EBF1: variants seen among roughly 807,000 people sequenced by gnomAD.
EBF1 encodes the protein EBF transcription factor 1.
EBF1 carries 10 observed loss-of-function variants against 68.4 expected under a neutral mutation model. The ratio of observed to expected loss-of-function variants is 0.15; its 90% confidence interval spans 0.09 to 0.25. The LOEUF (loss-of-function observed/expected upper bound fraction) is 0.25. Among genes scored for constraint, EBF1 ranks in the 10% least tolerant of loss-of-function variants. The probability of loss-of-function intolerance (pLI) is 1.00; values close to 1 mark genes in which losing one functional copy is unlikely to be tolerated. For synonymous variants in EBF1, 298 were observed against 299.8 expected (o/e 0.99, Z 0.06); for missense variants, 509 against 794.4 (o/e 0.64, Z 4.32).
At chr5:158,733,347 A>G (rs893604153) in intron 10 of EBF1, among the ~76,000 whole-genome samples, 8 of 152,152 alleles carry the variant, frequency 5.3e-5, no homozygotes, top group African/African-American at 1.9e-4. Flanking sequence ...GTAAAATTTG[A>G]ATTGTTGCCC....
At chr5:158,724,486 G>A (rs544599543) in intron 11 of EBF1, among the ~76,000 whole-genome samples, 19 of 152,308 alleles carry the variant, frequency 1.2e-4, no homozygotes, top group African/African-American at 4.6e-4. Context: ...TTTCACTGAT[G>A]CAACTGCAGG....
At chr5:158,856,924 C>T (rs943705870) in intron 6 of EBF1, among the ~76,000 whole-genome samples, 12 of 152,174 alleles carry the variant, frequency 7.9e-5, no homozygotes, top group Admixed American at 2.6e-4. Context: ...TCCCTCAGTC[C>T]TTAGATACTG....
intron 6 of EBF1, among the ~76,000 whole-genome samples, chr5:158,919,919 G>A (rs1175268908): frequency 6.6e-6 from 1 of 152,066 alleles, no homozygotes; most frequent in Admixed American, 6.5e-5. Flanking sequence ...GTGTTTTTCT[G>A]CTATATGCAT....
At position 158,696,809 on chromosome 5, in the gene EBF1, A is replaced by ATTG. The variant is rs1755839380; in HGVS notation, c.*2299_*2301dup. 5.3e-6 allele frequency: 1 copy of ATTG among 189,678 alleles called. No homozygotes were observed. Among genetic ancestry groups the ATTG allele is most frequent in the East Asian group, 8.3e-5 (1 of 12,090 alleles). 11.7% of individuals were successfully genotyped at this position (189,678 alleles called of 1,614,324 possible). ...ATATGGGGGCATGCACAGTTGCAGC[A>ATTG]TTGTTGTAAATGATTTCTTGCTCTA... On this transcript the variant is annotated 3_prime_UTR_variant, in exon 16 of 16. Transcript: ENST00000313708.
intron 6 of EBF1, among the ~76,000 whole-genome samples, chr5:158,875,056 T>TACATACAC (rs1797578059): frequency 6.8e-6 from 1 of 147,302 alleles, no homozygotes; most frequent in Non-Finnish European, 1.5e-5. Context: ...CACACACACA[T>TACATACAC]ACACACACAC....
rs768598275 is a variant in EBF1, at chr5:158,713,123, C to T, written c.1216G>A (p.Asp406Asn). 17 of 1,519,898 alleles carry T rather than the reference C, an allele frequency of 1.1e-5. No homozygotes were observed. Among genetic ancestry groups the T allele is most frequent in the East Asian group, 4.9e-5 (2 of 41,186 alleles). The allele number at this position is 1,519,898 out of a possible 1,614,324, so 94.2% of individuals were successfully genotyped here. ...ACACTGTACAGGGCCTCGGCAATGTCGGCCGCTCTCTTCAGAATGATTTCC... is the reference window on the plus strand; with the variant it reads ...ACACTGTACAGGGCCTCGGCAATGTTGGCCGCTCTCTTCAGAATGATTTCC... ...NQEIILKRAA[D>N]IAEALYSVPR... The change falls in exon 13 of 16, where the codon GAC becomes AAC. Residue 406 changes from aspartate to asparagine, a missense_variant. Physicochemically the swap from Asp to Asn is conservative, Grantham distance 23. Around this residue, in one of 3 missense-constraint regions of EBF1, gnomAD observed 230 missense variants for 467.7 expected, o/e 0.49. Coordinates refer to ENST00000313708, the MANE Select transcript of EBF1 (RefSeq NM_024007.5).
intron 10 of EBF1, among the ~76,000 whole-genome samples, chr5:158,741,558 G>C (rs563458138): frequency 6.9e-6 from 1 of 144,714 alleles, no homozygotes; most frequent in Non-Finnish European, 1.5e-5. Flanking sequence ...CTGGGTGACA[G>C]AGCAAGACCC....
rs1437416984 is a variant in EBF1, at chr5:158,881,313, T to G, written c.555-41203A>C. Among the ~76,000 whole-genome samples, 8 of 152,292 alleles carry G rather than the reference T, an allele frequency of 5.3e-5. No homozygotes were observed. The East Asian group carries it at 1.2e-3, about 22-fold the overall frequency. ...GGACTAAAGTAGCCTGTTTGTCAAGTTTATGTGAACTGCCCCAAGCTACTT... is the reference window on the plus strand; with the variant it reads ...GGACTAAAGTAGCCTGTTTGTCAAGGTTATGTGAACTGCCCCAAGCTACTT... On this transcript the variant is annotated intron_variant, in intron 6 of 15. Transcript: ENST00000313708.
rs75613624 is a variant in EBF1 at position 158,854,059 on chromosome 5, G to C, written c.555-13949C>G. Among the ~76,000 whole-genome samples the C allele has an allele frequency of 9.3e-3, 1,413 of 152,284 alleles. 29 individuals are homozygous for C. The highest frequency in any genetic ancestry group is 0.033 in the African/African-American group (1,356 of 41,550). ...GTGTTGTCAGACCCTCCTATTTGAA[G>C]AGAAGCTGGAAATGCATATTGTTAA... is the stretch of plus-strand genomic sequence containing the variant. On this transcript the variant is annotated intron_variant, in intron 6 of 15. Coordinates refer to ENST00000313708, the MANE Select transcript of EBF1 (RefSeq NM_024007.5).
At position 158,802,872 on chromosome 5, in the gene EBF1, C is replaced by T. The variant is rs10040668; in HGVS notation, c.779-6397G>A. Reference sequence around the variant, plus strand: ...CTGCTATAATAATTACCATCAGCTCCCCATTAACTAGAGTTTATTTACGAG... The same window carrying T: ...CTGCTATAATAATTACCATCAGCTCTCCATTAACTAGAGTTTATTTACGAG... On this transcript the variant is annotated intron_variant, in intron 8 of 15. Coordinates refer to ENST00000313708, the MANE Select transcript of EBF1 (RefSeq NM_024007.5). Among the ~76,000 whole-genome samples, 1,135 of 152,220 alleles carry T rather than the reference C, an allele frequency of 7.5e-3. 20 individuals carry two copies. Among genetic ancestry groups the T allele is most frequent in the African/African-American group, 0.026 (1,080 of 41,558 alleles).
At chr5:159,031,784 G>A (rs987764184) in intron 6 of EBF1, among the ~76,000 whole-genome samples, 2 of 152,136 alleles carry the variant, frequency 1.3e-5, no homozygotes, top group Admixed American at 6.5e-5. Flanking sequence ...GCTGCTGGCA[G>A]AAGTCTCTGT....
At chr5:159,045,582 G>T (rs1772219181) in intron 6 of EBF1, among the ~76,000 whole-genome samples, 1 of 151,974 alleles carries the variant, frequency 6.6e-6, no homozygotes, top group South Asian at 2.1e-4. Context: ...ATTTGCATAT[G>T]GTATCCTGTG....
intron 10 of EBF1, among the ~76,000 whole-genome samples, chr5:158,773,730 A>C (rs927380994): frequency 1.3e-5 from 2 of 152,192 alleles, no homozygotes; most frequent in Admixed American, 6.5e-5. Context: ...TTGAGGAAGC[A>C]GCTAAAGGTG....
chr5:158,832,087 G>A (rs1232227076), intron 7 of EBF1, among the ~76,000 whole-genome samples: 2 of 152,218 alleles, frequency 1.3e-5, no homozygotes, highest in Admixed American at 6.5e-5. Flanking sequence ...GATACCTTTT[G>A]CTGGTAAATC....
At chr5:158,839,890 C>T in intron 7 of EBF1, 139 bp downstream of exon 7, 1 of 727,158 alleles carries the variant, frequency 1.4e-6, no homozygotes. Context: ...TGCTAGATTG[C>T]AGATACCTGG....
At chr5:158,977,686 A>T (rs1487840243) in intron 6 of EBF1, among the ~76,000 whole-genome samples, 2 of 152,192 alleles carry the variant, frequency 1.3e-5, no homozygotes, top group South Asian at 4.1e-4. Context: ...CCACAGCAAG[A>T]TATGAAAGGG....
intron 10 of EBF1, among the ~76,000 whole-genome samples, chr5:158,771,669 C>T (rs1003386691): frequency 1.3e-5 from 2 of 152,034 alleles, no homozygotes. Context: ...GAACTAAGGA[C>T]AAAAGGAAGT....
At chr5:158,771,901 C>T (rs150801303) in intron 10 of EBF1, among the ~76,000 whole-genome samples, 62 of 152,268 alleles carry the variant, frequency 4.1e-4, no homozygotes, top group Non-Finnish European at 6.8e-4. Flanking sequence ...CAGCCCAGGG[C>T]TCTGTCCACT....
chr5:158,840,267 G>A, intron 6 of EBF1, 157 bp from the exon 7 acceptor site: 1 of 613,346 alleles, frequency 1.6e-6, no homozygotes, highest in Admixed American at 2.9e-5. Flanking sequence ...TGTGGCTTTA[G>A]CCTTTGTTTT....
Sources: allele counts gnomAD v4.1 joint callset (sites outside exome capture counted in the v4.1 genomes callset), GRCh38; gene constraint gnomAD v4.1.1; regional missense constraint gnomAD v4.1.1; transcripts MANE v1.5; gene names NCBI Gene and HGNC (gene_info 2026-07-23, HGNC 2026-07-21).